RUSC1: variants seen among roughly 807,000 people sequenced by gnomAD.
The protein encoded by RUSC1 is RUN and SH3 domain containing 1, also known as AP-4 complex accessory subunit RUSC1.
RUSC1 carries 40 observed loss-of-function variants against 72.1 expected under a neutral mutation model. The ratio of observed to expected loss-of-function variants is 0.55; its 90% CI spans 0.43 to 0.72. RUSC1 has a LOEUF of 0.72. RUSC1 is among the 30% of genes least tolerant of loss of function. The pLI is 0.00. For synonymous variants in RUSC1, 512 were observed against 494.2 expected, an observed-to-expected ratio of 1.04 and a Z score of -0.48; for missense variants, 1,092 against 1,172.3, an observed-to-expected ratio of 0.93 and a Z score of 1.00.
intron 2 of RUSC1, chr1:155,324,437 CGG>C: frequency 6.2e-7 from 1 of 1,612,966 alleles, no homozygotes; most frequent in Non-Finnish European, 8.5e-7. Flanking sequence ...ACGTGCTCCC[CGG>C]GGCTCCGCAG....
Position 155,325,828 on chromosome 1 carries a change from C to A in RUSC1, c.1815-36C>A. 1 of 1,612,596 alleles carries A rather than the reference C, an allele frequency of 6.2e-7. No individual in the cohort carries two copies. Among genetic ancestry groups the A allele is most frequent in the Non-Finnish European group, 8.5e-7 (1 of 1,178,632 alleles). Reference sequence around the variant, plus strand: ...ACCCAGAGAGGACTGGAGTCCTCCACCTCCCTGAACTTCCATTCCCTCTTT... The same window carrying A: ...ACCCAGAGAGGACTGGAGTCCTCCAACTCCCTGAACTTCCATTCCCTCTTT... On this transcript the variant is annotated intron_variant, in intron 6 of 9. Transcript: ENST00000368352. This position sits in a 1 kb window ranked among gnomAD's most constrained non-coding sequence, Gnocchi z 6.5.
chr1:155,327,876 C>G lies in RUSC1; in HGVS notation c.2415-274C>G, dbSNP rs151183097. Among the ~76,000 whole-genome samples, 264 of 152,320 alleles carry G rather than the reference C, an allele frequency of 1.7e-3. 2 individuals carry two copies. The highest frequency in any genetic ancestry group is 3.3e-3 in the Non-Finnish European group (227 of 68,014). On this transcript the variant is annotated intron_variant, in intron 8 of 9. Coordinates refer to ENST00000368352, the MANE Select transcript of RUSC1 (RefSeq NM_001105203.2). ...GGTGGCTCTTTAATGGCTTGAGATACTCTCTAGTGGCCATTTCATTCTGAG... is the reference window on the plus strand; with the variant it reads ...GGTGGCTCTTTAATGGCTTGAGATAGTCTCTAGTGGCCATTTCATTCTGAG...
rs770554843 is a variant in RUSC1 at position 155,322,609 on chromosome 1, C to T, written c.836C>T (p.Thr279Ile). The change falls in exon 2 of 10, where the codon ACC (threonine) becomes ATC (isoleucine). Residue 279 changes from threonine (T) to isoleucine (I), a missense_variant. Transcript: ENST00000368352. ...EPEKFDSGWK[T>I]NTRITDSGSK... ...GAAAAATTCGACTCTGGTTGGAAAA[C>T]CAACACAAGAATAACTGATTCTGGC... is the stretch of plus-strand genomic sequence containing the variant. 4 of 1,614,244 alleles carry T rather than the reference C, an allele frequency of 2.5e-6. 1 individual carries two copies. The highest frequency in any genetic ancestry group is 3.3e-4 in the Middle Eastern group (2 of 6,062).
chr1:155,322,329 A>G lies in RUSC1; in HGVS notation c.556A>G (p.Thr186Ala). The part of the protein sequence containing the change: ...PGLDSNCNAL[T>A]TCQDVPSPGL... ...CCTGGACTCGAACTGCAACGCCCTG[A>G]CCACCTGCCAGGACGTCCCTTCCCC... The change falls in exon 2 of 10, where the codon ACC becomes GCC. Residue 186 changes from threonine (T) to alanine (A), a missense_variant. Coordinates refer to ENST00000368352, the MANE Select transcript of RUSC1 (RefSeq NM_001105203.2). The G allele has an allele frequency of 1.2e-6, 2 of 1,612,538 alleles. No individual in the cohort carries two copies. Among genetic ancestry groups the G allele is most frequent in the Middle Eastern group, 1.7e-4 (1 of 6,060 alleles).
intron 1 of RUSC1, 137 bp downstream of exon 1, chr1:155,321,128 G>C (rs777156413): frequency 1.2e-5 from 17 of 1,382,092 alleles, no homozygotes; most frequent in Non-Finnish European, 1.6e-5. Flanking sequence ...GGAGAGAATG[G>C]ACATACCGCT....
Position 155,325,219 on chromosome 1 carries a change from A to G in RUSC1, c.1533+41A>G. On this transcript the variant is annotated intron_variant, in intron 4 of 9. Transcript: ENST00000368352. The surrounding 1 kb of genome is among the most constrained non-coding windows in gnomAD (Gnocchi z 6.5). ...GGGAGGCTGTTGGGATGAGGAGAGT[A>G]ATGGAGCTCCGCGGGGGGTGCGGGA... The G allele has an allele frequency of 6.2e-7, 1 of 1,613,788 alleles. No homozygotes were observed. Among genetic ancestry groups the G allele is most frequent in the Non-Finnish European group, 8.5e-7 (1 of 1,179,990 alleles).
rs758205324 is a variant in RUSC1, at chr1:155,320,992, G to A, written c.-87+1G>A. 3 of 1,521,338 alleles carry A rather than the reference G, an allele frequency of 2.0e-6. No individual in the cohort carries two copies. The African/African-American group carries it at 4.1e-5, about 21-fold the overall frequency. 94.2% of individuals were successfully genotyped at this position (1,521,338 alleles called of 1,614,324 possible). ...CCGGAGCGGTTCCAGGAGGACCCTG[G>A]TGAGGAGGGCTCGGCCCATGGGTGT... On this transcript the variant is annotated splice_donor_variant, in intron 1 of 9. Coordinates refer to ENST00000368352, the MANE Select transcript of RUSC1 (RefSeq NM_001105203.2). LOFTEE classifies it low-confidence loss of function (5UTR_SPLICE).
chr1:155,329,614 G>T (rs1267646357), intron 9 of RUSC1, among the ~76,000 whole-genome samples: 2 of 150,716 alleles, frequency 1.3e-5, no homozygotes, highest in Non-Finnish European at 3.0e-5. Flanking sequence ...GGATGGTCTC[G>T]ATCTCTTGAC....
In RUSC1 at chr1:155,328,070, C is replaced by A. The variant is rs778453567; in HGVS notation, c.2415-80C>A. ...TTTGAACCACAATTAGGCCCCTTAG[C>A]CTCTCCCTCCCTCCAAACCCCAGGG... On this transcript the variant is annotated intron_variant, in intron 8 of 9. Transcript: ENST00000368352. The A allele has an allele frequency of 2.3e-5, 35 of 1,531,818 alleles. 2 individuals are homozygous for A. The South Asian group carries it at 4.5e-4, about 20-fold the overall frequency. The allele number at this position is 1,531,818 out of a possible 1,614,324, so 94.9% of individuals were successfully genotyped here. A position where few individuals can be genotyped will look rare whatever the true frequency, so the allele number is the denominator to read the frequency against.
In RUSC1 at chr1:155,322,004, C is replaced by A; in HGVS notation, c.231C>A (p.His77Gln). Residue 77 changes from histidine to glutamine, a missense_variant, in exon 2 of 10, where the codon CAC becomes CAA. By Grantham distance (24) the His-to-Gln change is conservative (BLOSUM62 0). Coordinates refer to ENST00000368352, the MANE Select transcript of RUSC1 (RefSeq NM_001105203.2). ...PAVPCRCCQE[H>Q]GPGLENRQDP... Reference sequence around the variant, plus strand: ...TGCCCTGCCGGTGCTGCCAGGAGCACGGTCCGGGCCTAGAAAACCGGCAGG... The same window carrying A: ...TGCCCTGCCGGTGCTGCCAGGAGCAAGGTCCGGGCCTAGAAAACCGGCAGG... The A allele has an allele frequency of 1.2e-6, 2 of 1,602,450 alleles. No individual in the cohort carries two copies. Among genetic ancestry groups the A allele is most frequent in the Non-Finnish European group, 8.5e-7 (1 of 1,173,592 alleles).
In RUSC1 at chr1:155,320,970, G is replaced by T. The variant is rs753501973; in HGVS notation, c.-108G>T. The T allele has an allele frequency of 3.4e-5, 52 of 1,546,836 alleles. No individual in the cohort carries two copies. The South Asian group carries it at 5.7e-4, about 17-fold the overall frequency. On this transcript the variant is annotated 5_prime_UTR_variant, in exon 1 of 10. Transcript: ENST00000368352. ...GGAGCCGCGGACAAGCCCAAGGCCGGAGCGGTTCCAGGAGGACCCTGGTGA... is the reference window on the plus strand; with the variant it reads ...GGAGCCGCGGACAAGCCCAAGGCCGTAGCGGTTCCAGGAGGACCCTGGTGA...
chr1:155,326,229 CA>C lies in RUSC1; in HGVS notation c.1861+320del. On this transcript the variant is annotated intron_variant, in intron 7 of 9. Coordinates refer to ENST00000368352, the MANE Select transcript of RUSC1 (RefSeq NM_001105203.2). The surrounding 1 kb of genome is among the most constrained non-coding windows in gnomAD (Gnocchi z 4.7). ...GCCCCTCCTGCTTCCTCTGAACTAT[CA>C]TTCATCCTTTGAGTCCTTCCCCAGT... The C allele has an allele frequency of 1.8e-6, 1 of 546,714 alleles. No homozygotes were observed. Among genetic ancestry groups the C allele is most frequent in the Non-Finnish European group, 3.3e-6 (1 of 305,504 alleles). The allele number at this position is 546,714 out of a possible 1,614,324, so 33.9% of individuals were successfully genotyped here.
rs542457561 is a variant in RUSC1 at position 155,328,718 on chromosome 1, C to T, written c.2540+443C>T. Among the ~76,000 whole-genome samples, 21 of 152,204 alleles carry T rather than the reference C, an allele frequency of 1.4e-4. No individual in the cohort carries two copies. The East Asian group carries it at 4.1e-3, about 29-fold the overall frequency. On this transcript the variant is annotated intron_variant, in intron 9 of 9. Coordinates refer to ENST00000368352, the MANE Select transcript of RUSC1 (RefSeq NM_001105203.2). ...AGGTTCAAGCAATTCTCCTGCTAAG[C>T]CTTCTGAGTAGCTGGGATTACAGGC...
Position 155,326,989 on chromosome 1 carries a change from T to A in RUSC1, c.2271T>A (p.Arg757=). 6.2e-7 allele frequency: 1 copy of A among 1,613,576 alleles called. No homozygotes were observed. The highest frequency in any genetic ancestry group is 8.5e-7 in the Non-Finnish European group (1 of 1,179,994). The change falls in exon 8 of 10, where the codon CGT becomes CGA. Residue 757 remains arginine (R), a synonymous_variant. Transcript: ENST00000368352. The surrounding 1 kb of genome is among the most constrained non-coding windows in gnomAD (Gnocchi z 4.7). The stretch of plus-strand genomic sequence containing the variant: ...CTCTTTCCCGATGGGCACCGGGGCG[T>A]CATGGGACTGCAGCTGAAGAAGGTG... The part of the protein sequence containing the change: ...GFPLSRWAPG[R]HGTAAEEGAQ...
In RUSC1 at chr1:155,330,760, C is replaced by A. The variant is rs1269817633; in HGVS notation, c.*189C>A. ...CACCTGTAAGGTGAAATCTGCTCTTCTTCCAAATATATAAAAAAGGAATTG... is the reference window on the plus strand; with the variant it reads ...CACCTGTAAGGTGAAATCTGCTCTTATTCCAAATATATAAAAAAGGAATTG... On this transcript the variant is annotated 3_prime_UTR_variant, in exon 10 of 10. Transcript: ENST00000368352. The A allele has an allele frequency of 1.9e-6, 1 of 524,766 alleles. No individual in the cohort carries two copies. The highest frequency in any genetic ancestry group is 3.4e-5 in the East Asian group (1 of 29,450). 32.5% of individuals were successfully genotyped at this position (524,766 alleles called of 1,614,324 possible).
rs552600913 is a variant in RUSC1, at chr1:155,321,189, A to G, written c.-87+198A>G. 7.3e-6 allele frequency: 10 copies of G among 1,369,504 alleles called. No homozygotes were observed. In the Admixed American group the frequency reaches 1.4e-4, roughly 19 times the overall value. The allele number at this position is 1,369,504 out of a possible 1,614,324, so 84.8% of individuals were successfully genotyped here. ...GGAGCCCGGCCGAGGCAGCCAGCAG[A>G]TGCGGAGTTGACAAGCTGACGGCTG... On this transcript the variant is annotated intron_variant, in intron 1 of 9. Transcript: ENST00000368352.
At chr1:155,328,405 T>C (rs1651647636) in intron 9 of RUSC1, 130 bp downstream of exon 9, 1 of 990,008 alleles carries the variant, frequency 1.0e-6, no homozygotes, top group Admixed American at 3.5e-5. Flanking sequence ...GCTTTTCTAT[T>C]TATTATCGAT....
At chr1:155,321,549 G>T in intron 1 of RUSC1, 139 bp from the exon 2 acceptor site, 6 of 1,354,122 alleles carry the variant, frequency 4.4e-6, no homozygotes, top group South Asian at 1.3e-5. Context: ...ATGGTCAGTC[G>T]ATTGCGATTT....
Position 155,322,294 on chromosome 1 carries a change from C to T in RUSC1, c.521C>T (p.Pro174Leu). 1 of 1,610,314 alleles carries T rather than the reference C, an allele frequency of 6.2e-7. No homozygotes were observed. The highest frequency in any genetic ancestry group is 8.5e-7 in the Non-Finnish European group (1 of 1,177,380). The change falls in exon 2 of 10, where the codon CCC becomes CTC. Residue 174 changes from proline (P) to leucine (L), a missense_variant. Coordinates refer to ENST00000368352, the MANE Select transcript of RUSC1 (RefSeq NM_001105203.2). The part of the protein sequence containing the change: ...PDSCSGASSS[P>L]DPGLDSNCNA... ...TCCTGCTCCGGAGCTTCTTCTTCACCCGATCCTGGCCTGGACTCGAACTGC... is the reference window on the plus strand; with the variant it reads ...TCCTGCTCCGGAGCTTCTTCTTCACTCGATCCTGGCCTGGACTCGAACTGC...
Sources: allele counts gnomAD v4.1 joint callset (sites outside exome capture counted in the v4.1 genomes callset), GRCh38; gene constraint gnomAD v4.1.1; non-coding constraint Gnocchi (gnomAD v3.1); transcripts MANE v1.5; gene names NCBI Gene and HGNC (gene_info 2026-07-23, HGNC 2026-07-21).